The following GNL2 variants were observed in gnomAD, a reference collection of about 807,000 sequenced individuals.
The protein encoded by GNL2 is nucleolar GTP-binding protein 2.
In GNL2, 51 loss-of-function variants were observed where a neutral mutation model predicts 92.3. The ratio of observed to expected loss-of-function variants is 0.55; its 90% CI spans 0.44 to 0.70. The LOEUF (loss-of-function observed/expected upper bound fraction) is 0.70. GNL2 is among the 30% of genes least tolerant of loss of function. The probability of loss-of-function intolerance (pLI) is 0.00; values close to 1 mark genes in which losing one functional copy is unlikely to be tolerated. For missense variants in GNL2, 844 were observed against 895.6 expected, an observed-to-expected ratio of 0.94 and a Z score of 0.74; for synonymous variants, 283 against 300.6, an observed-to-expected ratio of 0.94 and a Z score of 0.61.
Position 37,583,910 on chromosome 1 carries a change from T to C in GNL2, c.593A>G (p.Tyr198Cys), listed in dbSNP as rs750177847. Residue 198 changes from tyrosine (Y) to cysteine (C), a missense_variant, in exon 6 of 16, where the codon TAT (tyrosine) becomes TGT (cysteine). Tyr to Cys is a radical substitution (Grantham distance 194). Transcript: ENST00000373062. ...GVRNEAQEEI[Y>C]KKGQSKRIWG... The stretch of plus-strand genomic sequence containing the variant: ...TATTCTTTTGGACTGTCCCTTTTTA[T>C]AGATCTCTTCTTGAGCTTCATTTCT... 12 of 1,584,076 alleles carry C rather than the reference T, an allele frequency of 7.6e-6. No homozygotes were observed. Among genetic ancestry groups the C allele is most frequent in the Admixed American group, 3.3e-5 (2 of 59,968 alleles).
At chr1:37,584,740 T>C (rs141403431) in intron 5 of GNL2, among the ~76,000 whole-genome samples, 177 of 152,122 alleles carry the variant, frequency 1.2e-3, no homozygotes, top group African/African-American at 4.0e-3. Flanking sequence ...GCTGCAATGA[T>C]TGCACAACAA....
At chr1:37,593,222 C>T (rs934849994) in intron 2 of GNL2, among the ~76,000 whole-genome samples, 4 of 152,198 alleles carry the variant, frequency 2.6e-5, no homozygotes, top group African/African-American at 9.7e-5. Context: ...ATATTAAGTT[C>T]TTTGACATTT....
chr1:37,579,337 C>T (rs1056583225), intron 8 of GNL2, among the ~76,000 whole-genome samples: 3 of 151,666 alleles, frequency 2.0e-5, no homozygotes, highest in Admixed American at 6.6e-5. Flanking sequence ...CACCTGAGGT[C>T]GGAAGTTTGA....
intron 8 of GNL2, among the ~76,000 whole-genome samples, chr1:37,581,951 C>T (rs1643775875): frequency 6.6e-6 from 1 of 151,940 alleles, no homozygotes; most frequent in African/African-American, 2.4e-5. Flanking sequence ...GTGTGAGCCA[C>T]CGCGCCCGGC....
intron 3 of GNL2, among the ~76,000 whole-genome samples, chr1:37,591,228 T>C (rs1227576027): frequency 1.3e-5 from 2 of 152,172 alleles, no homozygotes; most frequent in East Asian, 1.9e-4. Context: ...ACAGAGAATC[T>C]TGAAACACTG....
At position 37,583,892 on chromosome 1, in the gene GNL2, T is replaced by C. The variant is rs140634379; in HGVS notation, c.611A>G (p.Lys204Arg). 11 of 1,589,774 alleles carry C rather than the reference T, an allele frequency of 6.9e-6. No homozygotes were observed. The highest frequency in any genetic ancestry group is 5.4e-5 in the African/African-American group (4 of 74,604). ...CTTGTAGAGCTCACCCCATATTCTTTTGGACTGTCCCTTTTTATAGATCTC... is the reference window on the plus strand; with the variant it reads ...CTTGTAGAGCTCACCCCATATTCTTCTGGACTGTCCCTTTTTATAGATCTC... ...QEEIYKKGQS[K>R]RIWGELYKVI... Residue 204 changes from lysine (K) to arginine (R), a missense_variant, in exon 6 of 16, where the codon AAA becomes AGA. Lys to Arg is a conservative substitution (Grantham distance 26). Transcript: ENST00000373062.
In GNL2 at chr1:37,590,837, G is replaced by A. The variant is rs546799511; in HGVS notation, c.253C>T (p.Arg85Cys). Residue 85 changes from arginine (R) to cysteine (C), a missense_variant, in exon 4 of 16, where the codon CGT (arginine) becomes TGT (cysteine). Coordinates refer to ENST00000373062, the MANE Select transcript of GNL2 (RefSeq NM_013285.3). ...EPNIKWFGNT[R>C]VIKQSSLQKF... ...TGTAATGATGACTGCTTAATCACAC[G>A]TGTGTTTCCTGTTTTACAAATAAAG... The A allele has an allele frequency of 5.1e-6, 8 of 1,570,126 alleles. No individual in the cohort carries two copies. The highest frequency in any genetic ancestry group is 1.9e-5 in the Admixed American group (1 of 52,062).
intron 12 of GNL2, among the ~76,000 whole-genome samples, chr1:37,573,668 C>T (rs1643630056): frequency 1.3e-5 from 2 of 152,200 alleles, no homozygotes; most frequent in African/African-American, 4.8e-5. Context: ...GTTTCGTAAG[C>T]ATAAGAAAAG....
intron 15 of GNL2, 39 bp downstream of exon 15, chr1:37,567,634 T>TA: frequency 7.7e-7 from 1 of 1,306,964 alleles, no homozygotes; most frequent in Admixed American, 1.7e-5. Context: ...GAGTTCTAGT[T>TA]ACTCTACTTG....
intron 9 of GNL2, 26 bp downstream of exon 9, chr1:37,576,402 G>A (rs779079142): frequency 1.1e-5 from 17 of 1,603,392 alleles, no homozygotes; most frequent in Non-Finnish European, 1.4e-5. Context: ...ATATGCAAAA[G>A]TAAGGTCACC....
intron 12 of GNL2, 140 bp downstream of exon 12, chr1:37,574,203 T>A: frequency 2.2e-6 from 1 of 452,056 alleles, no homozygotes; most frequent in Non-Finnish European, 3.9e-6. Context: ...CAAAAATATT[T>A]TTATATATTT....
In GNL2 at chr1:37,574,463, G is replaced by A; in HGVS notation, c.1303-7C>T. 2 of 1,606,750 alleles carry A rather than the reference G, an allele frequency of 1.2e-6. No individual in the cohort carries two copies. On this transcript the variant is annotated splice_polypyrimidine_tract_variant and splice_region_variant and intron_variant, in intron 11 of 15. Coordinates refer to ENST00000373062, the MANE Select transcript of GNL2 (RefSeq NM_013285.3). ...GCAAGTCGGGCTCTCCACCCTGAAA[G>A]GTCACAAAGAGATTCCCAATTAAAT...
intron 3 of GNL2, among the ~76,000 whole-genome samples, chr1:37,592,073 T>C (rs1643891031): frequency 6.6e-6 from 1 of 152,172 alleles, no homozygotes; most frequent in Non-Finnish European, 1.5e-5. Flanking sequence ...GACTCAAAGA[T>C]AGCTGCCACC....
chr1:37,592,781 G>T lies in GNL2; in HGVS notation c.175C>A (p.Pro59Thr). Residue 59 changes from proline (P) to threonine (T), a missense_variant, in exon 3 of 16, where the codon CCC (proline) becomes ACC (threonine). Coordinates refer to ENST00000373062, the MANE Select transcript of GNL2 (RefSeq NM_013285.3). The part of the protein sequence containing the change: ...RRNSRGKIIK[P>T]LQYQSTVASG... ...GCCACCGTTGATTGATATTGCAGGG[G>T]TTTAATTATTTTACCACGACTGTTC... The T allele has an allele frequency of 6.2e-7, 1 of 1,605,828 alleles. No homozygotes were observed. Among genetic ancestry groups the T allele is most frequent in the Non-Finnish European group, 8.5e-7 (1 of 1,172,442 alleles).
At chr1:37,581,237 A>G in intron 8 of GNL2, 2 of 398,486 alleles carry the variant, frequency 5.0e-6, no homozygotes, top group Non-Finnish European at 1.0e-5. Flanking sequence ...GGCTATTGGA[A>G]GCATTTGCTT....
chr1:37,581,531 C>A, intron 8 of GNL2: 1 of 456,052 alleles, frequency 2.2e-6, no homozygotes, highest in South Asian at 1.5e-5. Flanking sequence ...GAGCGTGGAA[C>A]GTCAGGTGCC....
At position 37,587,642 on chromosome 1, in the gene GNL2, G is replaced by T. The variant is rs139718800; in HGVS notation, c.385-147C>A. ...ATCTGTAAGACATGGTTTCAGTCTG[G>T]TTTCAAATCAGAATTACTTGTTGAA... is the stretch of plus-strand genomic sequence containing the variant. On this transcript the variant is annotated intron_variant, in intron 4 of 15. Transcript: ENST00000373062. 3.4e-4 allele frequency: 172 copies of T among 508,206 alleles called. 1 individual carries two copies. In the Admixed American group the frequency reaches 4.8e-3, roughly 14 times the overall value. The allele number at this position is 508,206 out of a possible 1,614,324, so 31.5% of individuals were successfully genotyped here.
chr1:37,568,856 T>G lies in GNL2; in HGVS notation c.1863A>C (p.Ala621=), dbSNP rs142516717. 29 of 1,608,516 alleles carry G rather than the reference T, an allele frequency of 1.8e-5. No homozygotes were observed. The South Asian group carries it at 3.1e-4, about 17-fold the overall frequency. The change falls in exon 13 of 16, where the codon GCA becomes GCC. Residue 621 remains alanine (A), a synonymous_variant. Coordinates refer to ENST00000373062, the MANE Select transcript of GNL2 (RefSeq NM_013285.3). ...TGAGAAGATGAAAATATTACCTGACTGCTGAAAACTTTTTGGCTTTGGCTT... is the reference window on the plus strand; with the variant it reads ...TGAGAAGATGAAAATATTACCTGACGGCTGAAAACTTTTTGGCTTTGGCTT... ...LDKAKAKKFS[A]VRISKGLSEK...
chr1:37,583,088 C>G, intron 6 of GNL2, 152 bp from the exon 7 acceptor site: 1 of 465,386 alleles, frequency 2.1e-6, no homozygotes, highest in South Asian at 4.8e-5. Flanking sequence ...TCTCAAGGCC[C>G]AGTGATCAGA....
Sources: gnomAD v4.1 joint callset for allele counts (sites outside exome capture counted in the v4.1 genomes callset) on GRCh38, gnomAD v4.1.1 for gene constraint, MANE v1.5 for transcripts, NCBI Gene and HGNC (gene_info 2026-07-23, HGNC 2026-07-21) for gene names.